The following ESPNL variants were observed in gnomAD, a reference collection of about 807,000 sequenced individuals.
The protein encoded by ESPNL is espin like, also known as espin-like protein.
A neutral mutation model predicts 46.8 loss-of-function variants in ESPNL; 49 were observed. The observed-to-expected ratio is 1.05, with a 90% CI of 0.83 to 1.33. The LOEUF (loss-of-function observed/expected upper bound fraction) is 1.33, where lower values mean the gene tolerates loss of function less well. ESPNL is among the 40% of genes most tolerant of loss of function. The pLI is 0.00. For missense variants in ESPNL, 1,540 were observed against 1,436.6 expected, an observed-to-expected ratio of 1.07 and a Z score of -1.16; for synonymous variants, 664 against 662.1, an observed-to-expected ratio of 1.00 and a Z score of -0.04.
chr2:238,132,055 G>A lies in ESPNL; in HGVS notation c.*323G>A, dbSNP rs1015243851. 3.7e-6 allele frequency: 1 copy of A among 272,906 alleles called. No homozygotes were observed. Among genetic ancestry groups the A allele is most frequent in the Non-Finnish European group, 6.9e-6 (1 of 145,186 alleles). 16.9% of individuals were successfully genotyped at this position (272,906 alleles called of 1,614,324 possible). ...CCTGTTTCTCACTTGTCCTTCCCCA[G>A]TGTCACCAGTTCCCTTGGCGTCCTG... On this transcript the variant is annotated 3_prime_UTR_variant, in exon 9 of 9. Coordinates refer to ENST00000343063, the MANE Select transcript of ESPNL (RefSeq NM_194312.4).
At chr2:238,104,511 G>T in intron 2 of ESPNL, 145 bp from the exon 3 acceptor site, 1 of 950,002 alleles carries the variant, frequency 1.1e-6, no homozygotes, top group Non-Finnish European at 1.5e-6. Context: ...CCTGGAGGGG[G>T]GAACCCCGCA....
At chr2:238,103,265 A>G (rs1691525406) in intron 2 of ESPNL, among the ~76,000 whole-genome samples, 1 of 152,104 alleles carries the variant, frequency 6.6e-6, no homozygotes, top group African/African-American at 2.4e-5. Flanking sequence ...CTCTACAAAA[A>G]AATTTATTTA....
intron 5 of ESPNL, among the ~76,000 whole-genome samples, chr2:238,124,673 GTGTGTGTGTGCAGGAGAGTACGTGCA>G (rs1341485824): frequency 6.9e-6 from 1 of 144,000 alleles, no homozygotes; most frequent in Non-Finnish European, 1.5e-5. Flanking sequence ...GAGTGTACAT[GTGTGTGTGTGCAGGAGAGTACGTGCA>G]TGTGTGTGCA....
intron 5 of ESPNL, among the ~76,000 whole-genome samples, chr2:238,124,671 A>ATG (rs1346588209): frequency 8.1e-6 from 1 of 123,194 alleles, no homozygotes; most frequent in Non-Finnish European, 1.7e-5. Context: ...GAGAGTGTAC[A>ATG]TGTGTGTGTG....
At chr2:238,105,068 A>G (rs1691566758) in intron 3 of ESPNL, among the ~76,000 whole-genome samples, 1 of 152,008 alleles carries the variant, frequency 6.6e-6, no homozygotes, top group African/African-American at 2.4e-5. Context: ...GGGTCGTGCC[A>G]CGGCTCCCCT....
chr2:238,126,969 ATG>A (rs373944251), intron 6 of ESPNL, among the ~76,000 whole-genome samples: 4 of 82,526 alleles, frequency 4.8e-5, no homozygotes, highest in South Asian at 4.7e-4. Context: ...GTCTGTGTGT[ATG>A]TGTGTGATTG....
intron 5 of ESPNL, among the ~76,000 whole-genome samples, chr2:238,122,140 C>A (rs1692001777): frequency 2.0e-5 from 3 of 152,262 alleles, no homozygotes; most frequent in African/African-American, 7.2e-5. Context: ...CTGTCCAATG[C>A]TGGGATTCGG....
intron 6 of ESPNL, chr2:238,127,387 C>T (rs1408745543): frequency 7.6e-6 from 10 of 1,313,654 alleles, no homozygotes; most frequent in Non-Finnish European, 8.7e-6. Context: ...GCGGCGTGGC[C>T]CAGCGGTGTG....
At chr2:238,111,821 C>T (rs1379814554) in intron 4 of ESPNL, among the ~76,000 whole-genome samples, 4 of 152,112 alleles carry the variant, frequency 2.6e-5, no homozygotes, top group Non-Finnish European at 5.9e-5. Flanking sequence ...CCTGGATCTA[C>T]CCTGATTACT....
At position 238,100,691 on chromosome 2, in the gene ESPNL, G is replaced by A. The variant is rs181954337; in HGVS notation, c.272G>A (p.Arg91His). ...GSLAELCWLV[R>H]EGGCGLQDQD... is the part of the protein sequence containing the mutation. ...CTGGCCGAGCTGTGCTGGCTGGTCC[G>A]CGAGGGGGGCTGCGGTCTGCAGGTG... The change falls in exon 1 of 9, where the codon CGC becomes CAC. Residue 91 changes from arginine to histidine, a missense_variant. By Grantham distance (29) the Arg-to-His change is conservative (BLOSUM62 0). Coordinates refer to ENST00000343063, the MANE Select transcript of ESPNL (RefSeq NM_194312.4). 610 of 1,431,730 alleles carry A rather than the reference G, an allele frequency of 4.3e-4. 7 individuals carry two copies. In the East Asian group the frequency reaches 0.015, roughly 36 times the overall value. The allele number at this position is 1,431,730 out of a possible 1,614,324, so 88.7% of individuals were successfully genotyped here. A position where few individuals can be genotyped will look rare whatever the true frequency, so the allele number is the denominator to read the frequency against.
intron 3 of ESPNL, 33 bp from the exon 4 acceptor site, chr2:238,107,758 G>A (rs1201302922): frequency 2.0e-6 from 3 of 1,536,224 alleles, no homozygotes; most frequent in Non-Finnish European, 2.6e-6. Context: ...CTCCCTGGGA[G>A]GATGGCTGCT....
chr2:238,107,734 A>T, intron 3 of ESPNL, 57 bp from the exon 4 acceptor site: 2 of 1,486,578 alleles, frequency 1.3e-6, no homozygotes, highest in South Asian at 2.7e-5. Flanking sequence ...AGCCCCTCCC[A>T]CTCTGTGTGC....
chr2:238,114,520 C>T lies in ESPNL; in HGVS notation c.856-2383C>T, dbSNP rs1339515253. Among the ~76,000 whole-genome samples, 1 of 152,164 alleles carries T rather than the reference C, an allele frequency of 6.6e-6. No individual in the cohort carries two copies. Among genetic ancestry groups the T allele is most frequent in the African/African-American group, 2.4e-5 (1 of 41,430 alleles). ...CTCTCCAGCGACTGGCTTCAGCGACCTGCCCCAGCCTCCCCAGCCCCGGTG... is the reference window on the plus strand; with the variant it reads ...CTCTCCAGCGACTGGCTTCAGCGACTTGCCCCAGCCTCCCCAGCCCCGGTG... On this transcript the variant is annotated intron_variant, in intron 4 of 8. Transcript: ENST00000343063. The surrounding 1 kb of genome is among the most constrained non-coding windows in gnomAD (Gnocchi z 5.0).
rs145050018 is a variant in ESPNL at position 238,130,309 on chromosome 2, G to A, written c.1595G>A (p.Arg532Gln). The A allele has an allele frequency of 1.4e-4, 227 of 1,606,640 alleles. No individual in the cohort carries two copies. Among genetic ancestry groups the A allele is most frequent in the Middle Eastern group, 6.6e-4 (4 of 6,048 alleles). The change falls in exon 9 of 9, where the codon CGG (arginine) becomes CAG (glutamine). Residue 532 changes from arginine to glutamine, a missense_variant. Physicochemically the swap from Arg to Gln is conservative, Grantham distance 43 (BLOSUM62 1). Coordinates refer to ENST00000343063, the MANE Select transcript of ESPNL (RefSeq NM_194312.4). Reference protein sequence around the residue: ...RCQEYESELGRLAAELQALLP... With the variant: ...RCQEYESELGQLAAELQALLP... Reference sequence around the variant, plus strand: ...CAGGAGTATGAGAGTGAGCTGGGCCGGTTGGCGGCTGAGCTGCAGGCCCTG... The same window carrying A: ...CAGGAGTATGAGAGTGAGCTGGGCCAGTTGGCGGCTGAGCTGCAGGCCCTG...
In ESPNL at chr2:238,129,665, GA is replaced by G. The variant is rs1451670920; in HGVS notation, c.1414-462del. On this transcript the variant is annotated intron_variant, in intron 8 of 8. Transcript: ENST00000343063. ...CCTCAGAGTCCTATGATTTTGTCAA[GA>G]TGATTGAGTTCTGTGCCCCCGGCCC... 5.2e-5 allele frequency among the ~76,000 whole-genome samples: 8 copies of G among 152,382 alleles called. No homozygotes were observed. In the East Asian group the frequency reaches 1.5e-3, roughly 29 times the overall value.
chr2:238,100,801 C>A, intron 1 of ESPNL, 88 bp downstream of exon 1: 1 of 1,194,054 alleles, frequency 8.4e-7, no homozygotes, highest in Non-Finnish European at 1.1e-6. Context: ...GAGTACTGGC[C>A]ACCCCGGGCT....
At chr2:238,101,830 C>CT (rs1691484985) in intron 1 of ESPNL, 111 bp from the exon 2 acceptor site, 2 of 731,074 alleles carry the variant, frequency 2.7e-6, no homozygotes, top group South Asian at 3.5e-5. Context: ...AGCTGGAAGC[C>CT]CCTTCACTGG....
chr2:238,131,525 G>A lies in ESPNL; in HGVS notation c.2811G>A (p.Thr937=), dbSNP rs749185049. ...CCAGCCAGCGTCCCGCCTGGGATAC[G>A]GAGCCTGGCCGCAAGTCAGGTCTGA... is the stretch of plus-strand genomic sequence containing the variant. The part of the protein sequence containing the change: ...FGSSQRPAWD[T]EPGRKSGLTL... Residue 937 remains threonine (T), a synonymous_variant, in exon 9 of 9, where the codon ACG becomes ACA. Transcript: ENST00000343063. 6.8e-6 allele frequency: 11 copies of A among 1,611,466 alleles called. No individual in the cohort carries two copies. Among genetic ancestry groups the A allele is most frequent in the Admixed American group, 5.0e-5 (3 of 59,912 alleles).
intron 5 of ESPNL, among the ~76,000 whole-genome samples, chr2:238,118,222 ATGGATGGAGGAGGG>A (rs1380851935): frequency 2.7e-5 from 3 of 111,710 alleles, no homozygotes; most frequent in Admixed American, 8.8e-5. Context: ...GGAGCAGCAG[ATGGATGGAGGAGGG>A]TGGATGGAGG....
Sources: gnomAD v4.1 joint callset for allele counts (sites outside exome capture counted in the v4.1 genomes callset) on GRCh38, gnomAD v4.1.1 for gene constraint, Gnocchi (gnomAD v3.1) non-coding constraint, MANE v1.5 for transcripts, NCBI Gene and HGNC (gene_info 2026-07-23, HGNC 2026-07-21) for gene names.